Variants in DLGAP2 observed in about 807,000 individuals in gnomAD.
DLGAP2 encodes the protein disks large-associated protein 2.
In DLGAP2, 26 loss-of-function variants were observed where a neutral mutation model predicts 100.3. The ratio of observed to expected loss-of-function variants is 0.26; its 90% CI spans 0.19 to 0.36. DLGAP2 has a LOEUF of 0.36. Ranked by LOEUF, DLGAP2 falls within the 10% of genes least tolerant of loss-of-function variation. The pLI is 1.00. For missense variants in DLGAP2, 1,858 were observed against 1,453.2 expected, an observed-to-expected ratio of 1.28 and a Z score of -4.53; for synonymous variants, 886 against 630.1, an observed-to-expected ratio of 1.41 and a Z score of -6.08.
chr8:1,581,700 C>T (rs559750846), intron 6 of DLGAP2, among the ~76,000 whole-genome samples: 8 of 151,272 alleles, frequency 5.3e-5, no homozygotes, highest in South Asian at 2.1e-4. Flanking sequence ...ATATACACAC[C>T]GCAGTCAAAC....
chr8:1,086,847 A>G (rs1803988667), intron 2 of DLGAP2, among the ~76,000 whole-genome samples: 1 of 152,198 alleles, frequency 6.6e-6, no homozygotes, highest in South Asian at 2.1e-4. Context: ...TAATGGAAAG[A>G]TCATACAGAC....
intron 6 of DLGAP2, among the ~76,000 whole-genome samples, chr8:1,576,609 A>G (rs1236606413): frequency 6.6e-6 from 1 of 152,188 alleles, no homozygotes; most frequent in Non-Finnish European, 1.5e-5. Flanking sequence ...TAGGTCTAAC[A>G]TGTAAGTCTT....
chr8:1,086,307 G>A (rs760444462), intron 2 of DLGAP2, among the ~76,000 whole-genome samples: 1 of 152,186 alleles, frequency 6.6e-6, no homozygotes, highest in Non-Finnish European at 1.5e-5. Context: ...TCGAATAGAA[G>A]TGGTAAGAGT....
intron 3 of DLGAP2, among the ~76,000 whole-genome samples, chr8:1,442,370 G>T (rs1797859557): frequency 6.6e-6 from 1 of 151,210 alleles, no homozygotes; most frequent in Non-Finnish European, 1.5e-5. Flanking sequence ...AAGCTGCTGT[G>T]GGTTCAGCCA....
At chr8:1,159,160 A>G (rs770738556) in intron 2 of DLGAP2, among the ~76,000 whole-genome samples, 3 of 152,234 alleles carry the variant, frequency 2.0e-5, no homozygotes, top group Non-Finnish European at 2.9e-5. Flanking sequence ...ATGTCTGATA[A>G]AAAATACAGA....
intron 1 of DLGAP2, among the ~76,000 whole-genome samples, chr8:769,901 C>T (rs562147604): frequency 6.6e-6 from 1 of 152,270 alleles, no homozygotes; most frequent in South Asian, 2.1e-4. Context: ...TGGACCACGG[C>T]TGAGCTGACT....
intron 2 of DLGAP2, among the ~76,000 whole-genome samples, chr8:1,173,152 A>G (rs1044412351): frequency 1.2e-4 from 18 of 152,256 alleles, no homozygotes; most frequent in Admixed American, 3.3e-4. Flanking sequence ...TCCACTCCAG[A>G]CCCAGTTTGC....
At chr8:773,380 G>T (rs1250996147) in intron 1 of DLGAP2, among the ~76,000 whole-genome samples, 3 of 150,382 alleles carry the variant, frequency 2.0e-5, no homozygotes, top group African/African-American at 7.4e-5. Context: ...AAGTTTTAGG[G>T]TACATGTGCA....
intron 2 of DLGAP2, among the ~76,000 whole-genome samples, chr8:978,917 A>G (rs1370694551): frequency 6.6e-6 from 1 of 152,140 alleles, no homozygotes. Flanking sequence ...TGCAAAAATA[A>G]CTCCGTAATC....
intron 3 of DLGAP2, among the ~76,000 whole-genome samples, chr8:1,494,046 G>C (rs946289103): frequency 9.8e-5 from 15 of 152,312 alleles, no homozygotes; most frequent in East Asian, 3.9e-4. Context: ...CTGCATCGGG[G>C]GGGGCAGTAG....
chr8:1,059,463 C>G (rs1344622204), intron 2 of DLGAP2, among the ~76,000 whole-genome samples: 3 of 152,158 alleles, frequency 2.0e-5, no homozygotes, highest in Non-Finnish European at 4.4e-5. Context: ...GACAGAGACC[C>G]CAGGAGCTCC....
In DLGAP2 at chr8:1,437,278, A is replaced by T. The variant is rs935517562; in HGVS notation, c.107-64088A>T. 3.3e-5 allele frequency among the ~76,000 whole-genome samples: 5 copies of T among 152,210 alleles called. 1 individual carries two copies. The highest frequency in any genetic ancestry group is 2.0e-4 in the Admixed American group (3 of 15,288). ...GGTGACGCCATCCGGGTCTCCGTTC[A>T]GCCCAGGCATGCAGGCGCGAAGCCA... On this transcript the variant is annotated intron_variant, in intron 3 of 14. Coordinates refer to ENST00000637795, the MANE Select transcript of DLGAP2 (RefSeq NM_001346810.2).
chr8:1,234,146 C>T (rs1172196544), intron 2 of DLGAP2, among the ~76,000 whole-genome samples: 1 of 152,230 alleles, frequency 6.6e-6, no homozygotes, highest in Non-Finnish European at 1.5e-5. Flanking sequence ...AAAGGCTTCT[C>T]CTGTCCTCCC....
chr8:940,138 G>A (rs983535405), intron 2 of DLGAP2, among the ~76,000 whole-genome samples: 7 of 152,192 alleles, frequency 4.6e-5, no homozygotes, highest in African/African-American at 1.7e-4. Context: ...CGTGGGGCCT[G>A]AAGACATGGC....
At chr8:1,519,624 G>A (rs1012269424) in intron 4 of DLGAP2, among the ~76,000 whole-genome samples, 21 of 152,288 alleles carry the variant, frequency 1.4e-4, no homozygotes, top group African/African-American at 4.8e-4. Context: ...CTTCCCCATG[G>A]ACACCACCTC....
intron 6 of DLGAP2, among the ~76,000 whole-genome samples, chr8:1,574,212 A>C (rs1450672946): frequency 6.6e-6 from 1 of 152,192 alleles, no homozygotes; most frequent in Non-Finnish European, 1.5e-5. Flanking sequence ...CTCAGGTGCA[A>C]TCAGAAAATG....
chr8:815,765 C>T (rs1796464391), intron 1 of DLGAP2, among the ~76,000 whole-genome samples: 2 of 152,148 alleles, frequency 1.3e-5, no homozygotes, highest in African/African-American at 4.8e-5. Context: ...GGCAAGTTAA[C>T]AGAGGCCATA....
chr8:856,506 A>G (rs1797281320), intron 1 of DLGAP2, among the ~76,000 whole-genome samples: 2 of 152,282 alleles, frequency 1.3e-5, no homozygotes, highest in South Asian at 4.1e-4. Flanking sequence ...ATCTTCTGAA[A>G]CTAATAAACA....
At chr8:1,029,302 C>A (rs148569334) in intron 2 of DLGAP2, among the ~76,000 whole-genome samples, 1 of 152,056 alleles carries the variant, frequency 6.6e-6, no homozygotes, top group Admixed American at 6.6e-5. Context: ...GATATTAGGG[C>A]GAGAAGAGTA....
Sources: gnomAD v4.1 joint callset for allele counts (sites outside exome capture counted in the v4.1 genomes callset) on GRCh38, gnomAD v4.1.1 for gene constraint, MANE v1.5 for transcripts, NCBI Gene and HGNC (gene_info 2026-07-23, HGNC 2026-07-21) for gene names.